The following KIF1A variants were observed in gnomAD, a reference collection of about 807,000 sequenced individuals.
KIF1A encodes the protein kinesin family member 1A.
A neutral mutation model predicts 227.3 loss-of-function variants in KIF1A; 46 were observed. The ratio of observed to expected loss-of-function variants is 0.20; its 90% CI spans 0.16 to 0.26. The LOEUF is 0.26. KIF1A is among the 10% of genes least tolerant of loss of function. The pLI, the probability that KIF1A is intolerant of heterozygous loss-of-function variation, is 1.00. For missense variants in KIF1A, 1,683 were observed against 2,485.9 expected (o/e 0.68, Z 6.87); for synonymous variants, 1,022 against 1,012.8 (o/e 1.01, Z -0.17).
At chr2:240,746,498 TG>T (rs2048616085) in intron 29 of KIF1A, among the ~76,000 whole-genome samples, 3 of 152,174 alleles carry the variant, frequency 2.0e-5, no homozygotes, top group African/African-American at 7.2e-5. Context: ...CAGGGCCCCT[TG>T]TCCAGCAGGT....
In KIF1A at chr2:240,797,400, G is replaced by A. The variant is rs141891768; in HGVS notation, c.106+247C>T. 2.5e-3 allele frequency among the ~76,000 whole-genome samples: 377 copies of A among 152,274 alleles called. 5 individuals carry two copies. Among genetic ancestry groups the A allele is most frequent in the Admixed American group, 0.019 (287 of 15,296 alleles). ...TCCCTAGGAGCTCAGAGAGAGTGAG[G>A]CCCTGCTGGCACCTTGACTTTGGAC... On this transcript the variant is annotated intron_variant, in intron 2 of 48. Coordinates refer to ENST00000498729, the MANE Select transcript of KIF1A (RefSeq NM_001244008.2).
intron 1 of KIF1A, chr2:240,818,756 G>A (rs1420251994): frequency 6.6e-6 from 1 of 152,420 alleles, no homozygotes; most frequent in Non-Finnish European, 1.5e-5. Context: ...GTGTCCCGCA[G>A]AGCCGAGCAC....
intron 27 of KIF1A, among the ~76,000 whole-genome samples, chr2:240,756,023 C>T (rs893962417): frequency 6.6e-6 from 1 of 152,136 alleles, no homozygotes; most frequent in African/African-American, 2.4e-5. Context: ...ACCTCACAGC[C>T]TAGTAACACT....
intron 38 of KIF1A, among the ~76,000 whole-genome samples, chr2:240,734,467 T>C (rs2047097492): frequency 6.6e-6 from 1 of 151,516 alleles, no homozygotes; most frequent in Non-Finnish European, 1.5e-5. Context: ...GCAGCCAAAA[T>C]CAGGAGTGGG....
intron 38 of KIF1A, among the ~76,000 whole-genome samples, chr2:240,733,835 G>A (rs965633491): frequency 1.3e-5 from 2 of 152,186 alleles, no homozygotes; most frequent in African/African-American, 2.4e-5. Context: ...GATAACTGCC[G>A]TGACGCTGGC....
chr2:240,762,462 C>T lies in KIF1A; in HGVS notation c.2116+257G>A, dbSNP rs562116917. On this transcript the variant is annotated intron_variant, in intron 23 of 48. Coordinates refer to ENST00000498729, the MANE Select transcript of KIF1A (RefSeq NM_001244008.2). ...GTGTGCACGTGTGTACATGTGTGCACGTGAATGTGTGCATGTGTGTACACA... is the reference window on the plus strand; with the variant it reads ...GTGTGCACGTGTGTACATGTGTGCATGTGAATGTGTGCATGTGTGTACACA... Among the ~76,000 whole-genome samples, 10 of 152,334 alleles carry T rather than the reference C, an allele frequency of 6.6e-5. No homozygotes were observed. In the East Asian group the frequency reaches 9.6e-4, roughly 15 times the overall value.
intron 10 of KIF1A, among the ~76,000 whole-genome samples, chr2:240,779,808 C>T (rs4676368): frequency 0.45 from 68,327 of 152,040 alleles, 15,411 homozygotes; most frequent in Middle Eastern, 0.49. Flanking sequence ...CTTCCTCGCA[C>T]GGTTCTGCGG....
In KIF1A at chr2:240,719,869, G is replaced by A. The variant is rs376581099; in HGVS notation, c.4926C>T (p.Ala1642=). 27 of 1,611,888 alleles carry A rather than the reference G, an allele frequency of 1.7e-5. No individual in the cohort carries two copies. The highest frequency in any genetic ancestry group is 4.0e-5 in the African/African-American group (3 of 74,868). ...ASPEPELLPE[A]DSKKLPSPAR... is the part of the protein sequence containing the mutation. The stretch of plus-strand genomic sequence containing the variant: ...CAGGGGAAGGGAGCTTCTTGGAGTC[G>A]GCCTCTGGCAGCAGCTCGGGCTCTG... Residue 1642 remains alanine (A), a synonymous_variant, in exon 46 of 49, where the codon GCC becomes GCT. Coordinates refer to ENST00000498729, the MANE Select transcript of KIF1A (RefSeq NM_001244008.2).
chr2:240,786,819 AGT>A (rs2054977702), intron 5 of KIF1A, among the ~76,000 whole-genome samples: 1 of 147,662 alleles, frequency 6.8e-6, no homozygotes, highest in African/African-American at 2.6e-5. Flanking sequence ...AGGACCCCTG[AGT>A]GAGAGGGTGG....
At position 240,771,240 on chromosome 2, in the gene KIF1A, G is replaced by A. The variant is rs1323323249; in HGVS notation, c.1208-136C>T. ...GAGGGAGGGAGAGAAAAAAGATGAA[G>A]ATGGGAAAAAGTAAGAGATGGGGCC... On this transcript the variant is annotated intron_variant, in intron 14 of 48. Coordinates refer to ENST00000498729, the MANE Select transcript of KIF1A (RefSeq NM_001244008.2). The A allele has an allele frequency of 5.5e-6, 6 of 1,083,672 alleles. No homozygotes were observed. The East Asian group carries it at 1.2e-4, about 22-fold the overall frequency. 67.1% of individuals were successfully genotyped at this position (1,083,672 alleles called of 1,614,324 possible).
chr2:240,726,593 T>A lies in KIF1A; in HGVS notation c.4122+233A>T, dbSNP rs190201695. ...TGCACTCCAGCCTGGGCGACAAGAGTGAGACTCGGTCTCAAAAACAAAAAA... is the reference window on the plus strand; with the variant it reads ...TGCACTCCAGCCTGGGCGACAAGAGAGAGACTCGGTCTCAAAAACAAAAAA... On this transcript the variant is annotated intron_variant, in intron 39 of 48. Coordinates refer to ENST00000498729, the MANE Select transcript of KIF1A (RefSeq NM_001244008.2). The surrounding 1 kb of genome is among the most constrained non-coding windows in gnomAD (Gnocchi z 5.2). Among the ~76,000 whole-genome samples the A allele has an allele frequency of 1.3e-5, 2 of 152,034 alleles. No individual in the cohort carries two copies. Among genetic ancestry groups the A allele is most frequent in the East Asian group, 1.9e-4 (1 of 5,178 alleles).
At chr2:240,744,329 A>G (rs2125780271) in intron 32 of KIF1A, among the ~76,000 whole-genome samples, 1 of 152,224 alleles carries the variant, frequency 6.6e-6, no homozygotes, top group East Asian at 1.9e-4. Context: ...CTTTCAGAAC[A>G]CGGAGCTGGG....
At position 240,758,302 on chromosome 2, in the gene KIF1A, C is replaced by CA. The variant is rs1243728816; in HGVS notation, c.2582+57dup. The CA allele has an allele frequency of 6.4e-7, 1 of 1,566,144 alleles. No individual in the cohort carries two copies. The highest frequency in any genetic ancestry group is 8.7e-7 in the Non-Finnish European group (1 of 1,154,444). ...TCAGGCCAGGGCCCACTCCTACCCC[C>CA]ACTGCCATCTCTCTCTCTCAATCTC... On this transcript the variant is annotated intron_variant, in intron 26 of 48. Transcript: ENST00000498729. The surrounding 1 kb of genome is among the most constrained non-coding windows in gnomAD (Gnocchi z 5.2).
Position 240,740,243 on chromosome 2 carries a change from C to T in KIF1A, c.3816+55G>A. On this transcript the variant is annotated intron_variant, in intron 36 of 48. Transcript: ENST00000498729. This position sits in a 1 kb window ranked among gnomAD's most constrained non-coding sequence, Gnocchi z 6.1. Reference sequence around the variant, plus strand: ...GGGTAGGGGCAGGGAGAGGCTCACACCTGGTGGGGTGGGGGAGGGGACACA... The same window carrying T: ...GGGTAGGGGCAGGGAGAGGCTCACATCTGGTGGGGTGGGGGAGGGGACACA... 1.9e-6 allele frequency: 3 copies of T among 1,579,286 alleles called. No homozygotes were observed. Among genetic ancestry groups the T allele is most frequent in the Non-Finnish European group, 2.6e-6 (3 of 1,152,352 alleles).
At chr2:240,819,539 G>A (rs1305382745) in intron 1 of KIF1A, among the ~76,000 whole-genome samples, 1 of 115,066 alleles carries the variant, frequency 8.7e-6, no homozygotes, top group African/African-American at 3.4e-5. Flanking sequence ...TTTTGCTCCC[G>A]GCTCCAGCAT....
chr2:240,793,632 G>A lies in KIF1A; in HGVS notation c.106+4015C>T, dbSNP rs1559535798. Among the ~76,000 whole-genome samples, 1 of 152,218 alleles carries A rather than the reference G, an allele frequency of 6.6e-6. No homozygotes were observed. The highest frequency in any genetic ancestry group is 1.5e-5 in the Non-Finnish European group (1 of 68,036). Reference sequence around the variant, plus strand: ...TACACTAGCTCTGCCAGGTCGGACCGAAGTGCACCTAATGGACAGCTCAGC... The same window carrying A: ...TACACTAGCTCTGCCAGGTCGGACCAAAGTGCACCTAATGGACAGCTCAGC... On this transcript the variant is annotated intron_variant, in intron 2 of 48. Coordinates refer to ENST00000498729, the MANE Select transcript of KIF1A (RefSeq NM_001244008.2). The surrounding 1 kb of genome is among the most constrained non-coding windows in gnomAD (Gnocchi z 4.8).
intron 14 of KIF1A, 81 bp from the exon 15 acceptor site, chr2:240,771,185 G>C (rs370556725): frequency 1.9e-6 from 3 of 1,573,000 alleles, no homozygotes; most frequent in Admixed American, 1.7e-5. Context: ...CACGTCTATG[G>C]GGAGGAGGGG....
Position 240,763,132 on chromosome 2 carries a change from G to A in KIF1A, c.1949+34C>T, listed in dbSNP as rs767132150. 5.6e-6 allele frequency: 9 copies of A among 1,603,120 alleles called. No individual in the cohort carries two copies. In the South Asian group the frequency reaches 1.0e-4, roughly 18 times the overall value. ...GGGGTGAGCACGGGAGGGCAGGAGGGGCAGCAGGCAGTTGGGGGTGGCCTC... is the reference window on the plus strand; with the variant it reads ...GGGGTGAGCACGGGAGGGCAGGAGGAGCAGCAGGCAGTTGGGGGTGGCCTC... On this transcript the variant is annotated intron_variant, in intron 21 of 48. Coordinates refer to ENST00000498729, the MANE Select transcript of KIF1A (RefSeq NM_001244008.2).
At chr2:240,781,579 G>C (rs558572737) in intron 10 of KIF1A, among the ~76,000 whole-genome samples, 1 of 151,080 alleles carries the variant, frequency 6.6e-6, no homozygotes, top group African/African-American at 2.4e-5. Context: ...TCCCCACGCC[G>C]CCCACGCCAT....
Sources: gnomAD v4.1 joint callset for allele counts (sites outside exome capture counted in the v4.1 genomes callset) on GRCh38, gnomAD v4.1.1 for gene constraint, Gnocchi (gnomAD v3.1) non-coding constraint, MANE v1.5 for transcripts, NCBI Gene and HGNC (gene_info 2026-07-23, HGNC 2026-07-21) for gene names.